EPB41L5: variants seen among roughly 807,000 people sequenced by gnomAD.
EPB41L5 encodes the protein erythrocyte membrane protein band 4.1 like 5.
In EPB41L5, 55 loss-of-function variants were observed where a neutral mutation model predicts 106.6. The observed-to-expected ratio is 0.52, with a 90% confidence interval of 0.42 to 0.65. The LOEUF (loss-of-function observed/expected upper bound fraction) is 0.65, where lower values mean the gene tolerates loss of function less well. EPB41L5 is among the 30% of genes least tolerant of loss of function. The pLI is 0.00. For synonymous variants in EPB41L5, 297 were observed against 306.7 expected, an observed-to-expected ratio of 0.97 and a Z score of 0.33; for missense variants, 871 against 882.1, an observed-to-expected ratio of 0.99 and a Z score of 0.16.
At chr2:120,041,973 C>G in intron 2 of EPB41L5, 33 bp from the exon 3 acceptor site, 1 of 1,499,000 alleles carries the variant, frequency 6.7e-7, no homozygotes, top group Non-Finnish European at 9.3e-7. Flanking sequence ...TTATAAACCA[C>G]TTATTGATTT....
chr2:120,166,720 G>T (rs1015289719), intron 22 of EPB41L5, among the ~76,000 whole-genome samples: 1 of 152,218 alleles, frequency 6.6e-6, no homozygotes, highest in African/African-American at 2.4e-5. Flanking sequence ...ACAGGCGTGC[G>T]CCACTGCGCC....
intron 2 of EPB41L5, among the ~76,000 whole-genome samples, chr2:120,022,347 CGA>C (rs1558800547): frequency 1.1e-4 from 17 of 151,950 alleles, no homozygotes; most frequent in African/African-American, 4.1e-4. Flanking sequence ...CCCCACCCCC[CGA>C]CAGGCCCTGG....
At chr2:120,161,375 CAAAA>C (rs11333759) in intron 21 of EPB41L5, among the ~76,000 whole-genome samples, 4 of 129,866 alleles carry the variant, frequency 3.1e-5, no homozygotes, top group Non-Finnish European at 3.3e-5. Flanking sequence ...GAGACTGTCT[CAAAA>C]AAAAAAAAAA....
intron 15 of EPB41L5, 32 bp downstream of exon 15, chr2:120,100,318 A>C (rs761651581): frequency 6.3e-7 from 1 of 1,596,692 alleles, no homozygotes; most frequent in Admixed American, 1.7e-5. Flanking sequence ...AAAACACTGG[A>C]TCACCCGTTA....
At chr2:120,077,577 T>A (rs914173181) in intron 9 of EPB41L5, among the ~76,000 whole-genome samples, 1 of 152,198 alleles carries the variant, frequency 6.6e-6, no homozygotes, top group Non-Finnish European at 1.5e-5. Flanking sequence ...TTTTATTTTA[T>A]TTTTTTGCTA....
chr2:120,176,150 C>A lies in EPB41L5; in HGVS notation c.*1243C>A, dbSNP rs1193331536. 6.6e-6 allele frequency: 1 copy of A among 152,514 alleles called. No homozygotes were observed. Among genetic ancestry groups the A allele is most frequent in the Non-Finnish European group, 1.5e-5 (1 of 68,030 alleles). The allele number at this position is 152,514 out of a possible 1,614,324, so 9.4% of individuals were successfully genotyped here. A position where few individuals can be genotyped will look rare whatever the true frequency, so the allele number is the denominator to read the frequency against. ...CTGTAATTCTAATACCCAGAAATAACGCTATTTAGCTTTATAATTTTCGAA... is the reference window on the plus strand; with the variant it reads ...CTGTAATTCTAATACCCAGAAATAAAGCTATTTAGCTTTATAATTTTCGAA... On this transcript the variant is annotated 3_prime_UTR_variant, in exon 25 of 25. Coordinates refer to ENST00000263713, the MANE Select transcript of EPB41L5 (RefSeq NM_020909.4).
At chr2:120,031,068 TATGTTGGTC>T (rs1488081216) in intron 2 of EPB41L5, among the ~76,000 whole-genome samples, 3 of 150,894 alleles carry the variant, frequency 2.0e-5, no homozygotes, top group African/African-American at 7.3e-5. Context: ...AGGGTTTCAC[TATGTTGGTC>T]AGGCTGGTCT....
chr2:120,158,357 G>A (rs907665542), intron 20 of EPB41L5, among the ~76,000 whole-genome samples: 1 of 152,046 alleles, frequency 6.6e-6, no homozygotes, highest in Non-Finnish European at 1.5e-5. Flanking sequence ...AACAAAATAC[G>A]GGCAAACTGA....
Position 120,100,749 on chromosome 2 carries a change from T to C in EPB41L5, c.1272T>C (p.Ala424=). 1 of 1,613,834 alleles carries C rather than the reference T, an allele frequency of 6.2e-7. No homozygotes were observed. Among genetic ancestry groups the C allele is most frequent in the South Asian group, 1.1e-5 (1 of 91,062 alleles). ...ALPVSPSISS[A]PVPVEIENLP... is the part of the protein sequence containing the mutation. The stretch of plus-strand genomic sequence containing the variant: ...CTGTGAGTCCTTCCATTTCCTCTGC[T>C]CCTGTGCCAGTGGAGATAGAGAATC... Residue 424 remains alanine (A), a synonymous_variant, in exon 16 of 25, where the codon GCT becomes GCC. Coordinates refer to ENST00000263713, the MANE Select transcript of EPB41L5 (RefSeq NM_020909.4).
intron 3 of EPB41L5, among the ~76,000 whole-genome samples, chr2:120,060,479 G>A (rs72840499): frequency 0.046 from 7,000 of 152,182 alleles, 230 homozygotes; most frequent in Non-Finnish European, 0.072. Flanking sequence ...ATTTCAGAGG[G>A]CATTATGCTG....
intron 17 of EPB41L5, chr2:120,128,096 G>A (rs1368378788): frequency 7.5e-6 from 2 of 267,776 alleles, no homozygotes; most frequent in African/African-American, 4.4e-5. Context: ...CTTCAAACTT[G>A]CTTTTTGCTT....
intron 2 of EPB41L5, among the ~76,000 whole-genome samples, chr2:120,022,870 A>G (rs1225889289): frequency 6.6e-6 from 1 of 152,148 alleles, no homozygotes; most frequent in African/African-American, 2.4e-5. Flanking sequence ...ATTGATGGCC[A>G]TTCTAACTGG....
At chr2:120,018,050 C>A (rs949661764) in intron 1 of EPB41L5, among the ~76,000 whole-genome samples, 1 of 152,024 alleles carries the variant, frequency 6.6e-6, no homozygotes, top group African/African-American at 2.4e-5. Flanking sequence ...CAAGCTCCAC[C>A]TCCCGGGTTC....
chr2:120,090,808 T>G (rs901612767), intron 12 of EPB41L5, among the ~76,000 whole-genome samples: 5 of 152,202 alleles, frequency 3.3e-5, no homozygotes, highest in African/African-American at 1.2e-4. Context: ...TTATGGACTC[T>G]CCACCCACCA....
chr2:120,102,613 A>G (rs758894059), intron 16 of EPB41L5, among the ~76,000 whole-genome samples: 8 of 152,196 alleles, frequency 5.3e-5, no homozygotes, highest in Non-Finnish European at 1.0e-4. Context: ...AAATTTGGAA[A>G]TGCTTCCTAT....
chr2:120,053,209 A>T (rs947660320), intron 3 of EPB41L5, among the ~76,000 whole-genome samples: 23 of 152,206 alleles, frequency 1.5e-4, no homozygotes, highest in Non-Finnish European at 2.8e-4. Context: ...TGACAGTTGT[A>T]TTGAAGAGTT....
chr2:120,027,387 G>A (rs6542560), intron 2 of EPB41L5, among the ~76,000 whole-genome samples: 106,752 of 152,152 alleles, frequency 0.7, 38,620 homozygotes, highest in Non-Finnish European at 0.79. Context: ...CTGCTAAAAC[G>A]TAGATGAATT....
intron 10 of EPB41L5, among the ~76,000 whole-genome samples, chr2:120,086,062 A>G (rs1440991606): frequency 6.6e-6 from 1 of 152,074 alleles, no homozygotes. Flanking sequence ...CAGGCATAGC[A>G]TGGTGGCACG....
chr2:120,014,572 T>C (rs566724748), intron 1 of EPB41L5, among the ~76,000 whole-genome samples: 1 of 152,294 alleles, frequency 6.6e-6, no homozygotes, highest in South Asian at 2.1e-4. Flanking sequence ...AGATGTCGAA[T>C]TTAGACTCAC....
Sources: gnomAD v4.1 joint callset for allele counts (sites outside exome capture counted in the v4.1 genomes callset) on GRCh38, gnomAD v4.1.1 for gene constraint, MANE v1.5 for transcripts, NCBI Gene and HGNC (gene_info 2026-07-23, HGNC 2026-07-21) for gene names.